Variants in VRK2 observed in about 807,000 individuals in gnomAD.
VRK2 encodes the protein serine/threonine-protein kinase VRK2.
VRK2 carries 60 observed loss-of-function variants against 57.6 expected under a neutral mutation model. The observed-to-expected ratio is 1.04, with a 90% CI of 0.85 to 1.29. The LOEUF is 1.29. Ranked by LOEUF, VRK2 falls within the 50% of genes most tolerant of loss-of-function variation. VRK2 has a pLI of 0.00. For synonymous variants in VRK2, 231 were observed against 199.2 expected (o/e 1.16, Z -1.35); for missense variants, 705 against 588.1 (o/e 1.20, Z -2.06).
intron 1 of VRK2, among the ~76,000 whole-genome samples, chr2:57,963,161 G>T (rs1343776686): frequency 2.6e-5 from 4 of 152,138 alleles, no homozygotes; most frequent in African/African-American, 9.7e-5. Flanking sequence ...GTTCCCCAAA[G>T]CTAGATACCA....
At chr2:58,038,494 G>A (rs1169125956) in intron 3 of VRK2, among the ~76,000 whole-genome samples, 1 of 152,058 alleles carries the variant, frequency 6.6e-6, no homozygotes, top group Non-Finnish European at 1.5e-5. Flanking sequence ...CTTTGTAAAG[G>A]CAACACAGAT....
At chr2:58,125,699 A>G (rs879477363) in intron 8 of VRK2, among the ~76,000 whole-genome samples, 68 of 152,132 alleles carry the variant, frequency 4.5e-4, no homozygotes, top group Admixed American at 1.2e-3. Context: ...ATTGATATAT[A>G]TATATGTAGA....
At chr2:58,149,429 T>C (rs1299872778) in intron 12 of VRK2, among the ~76,000 whole-genome samples, 1 of 151,794 alleles carries the variant, frequency 6.6e-6, no homozygotes, top group African/African-American at 2.4e-5. Flanking sequence ...ATAGGTTTTA[T>C]TATTTTTTAA....
chr2:57,943,912 A>G (rs995979332), intron 1 of VRK2, among the ~76,000 whole-genome samples: 7 of 152,202 alleles, frequency 4.6e-5, no homozygotes, highest in Admixed American at 3.3e-4. Context: ...CAACAATTCA[A>G]TTCTGCCATT....
At chr2:58,156,176 G>A (rs1291783148) in intron 12 of VRK2, among the ~76,000 whole-genome samples, 1 of 151,928 alleles carries the variant, frequency 6.6e-6, no homozygotes, top group African/African-American at 2.4e-5. Context: ...CATTGAATAT[G>A]GAATCTATTC....
chr2:57,953,552 C>T (rs529010733), intron 1 of VRK2, among the ~76,000 whole-genome samples: 2 of 152,276 alleles, frequency 1.3e-5, no homozygotes, highest in South Asian at 4.1e-4. Context: ...TACACTTAAA[C>T]ACTTTTCTGC....
At chr2:58,129,588 C>T (rs967869502) in intron 8 of VRK2, among the ~76,000 whole-genome samples, 1 of 152,158 alleles carries the variant, frequency 6.6e-6, no homozygotes, top group African/African-American at 2.4e-5. Flanking sequence ...ACTATACATG[C>T]ATACATAGAT....
chr2:57,924,888 A>G (rs1670480843), intron 1 of VRK2, among the ~76,000 whole-genome samples: 1 of 151,244 alleles, frequency 6.6e-6, no homozygotes. Flanking sequence ...TTCCACCTCC[A>G]GTTTTTTTAG....
intron 5 of VRK2, 46 bp from the exon 6 acceptor site, chr2:58,088,295 C>T: frequency 1.5e-6 from 2 of 1,334,306 alleles, no homozygotes; most frequent in Non-Finnish European, 2.1e-6. Context: ...CAGTTTCAAG[C>T]ATTACTTTCT....
At chr2:58,137,224 C>CTCATATATGATACATATATATATCAT (rs1553422542) in intron 10 of VRK2, among the ~76,000 whole-genome samples, 6 of 65,148 alleles carry the variant, frequency 9.2e-5, no homozygotes, top group South Asian at 1.0e-3. Flanking sequence ...ACATATATAT[C>CTCATATATGATACATATATATATCAT]ATATGATACA....
intron 2 of VRK2, among the ~76,000 whole-genome samples, chr2:58,027,261 A>G (rs1300436631): frequency 6.6e-6 from 1 of 152,086 alleles, no homozygotes; most frequent in Non-Finnish European, 1.5e-5. Flanking sequence ...ACTGGAGTCC[A>G]GTGAGAATCC....
intron 3 of VRK2, among the ~76,000 whole-genome samples, chr2:58,039,897 T>G (rs1439974625): frequency 6.6e-6 from 1 of 151,548 alleles, no homozygotes; most frequent in African/African-American, 2.4e-5. Context: ...TATTTTATTT[T>G]TATTTATTTT....
At chr2:57,993,030 G>C (rs75053852) in intron 1 of VRK2, among the ~76,000 whole-genome samples, 2,462 of 152,236 alleles carry the variant, frequency 0.016, 64 homozygotes, top group African/African-American at 0.056. Flanking sequence ...TAAAAATACT[G>C]ATCCTATGAA....
At chr2:58,046,695 C>T, upstream of VRK2, 4 of 985,578 alleles carry the variant, frequency 4.1e-6, no homozygotes, top group Non-Finnish European at 4.8e-6. Flanking sequence ...CTCCGCGGGC[C>T]GCTGCACTGC....
At chr2:58,100,877 T>G (rs1298386670) in intron 7 of VRK2, among the ~76,000 whole-genome samples, 3 of 151,788 alleles carry the variant, frequency 2.0e-5, no homozygotes, top group African/African-American at 7.2e-5. Flanking sequence ...TTACTAAACA[T>G]CAATTTGTTT....
At chr2:58,041,106 T>C in intron 3 of VRK2, 1 of 979,110 alleles carries the variant, frequency 1.0e-6, no homozygotes, top group Non-Finnish European at 1.2e-6. Flanking sequence ...AAATATAGTC[T>C]TATAGTTAAC....
intron 1 of VRK2, among the ~76,000 whole-genome samples, chr2:57,958,923 A>C (rs192036757): frequency 6.6e-6 from 1 of 152,304 alleles, no homozygotes; most frequent in East Asian, 1.9e-4. Context: ...CCACCATAGT[A>C]TTAGTTGACA....
chr2:57,995,418 A>G (rs1165628748), intron 1 of VRK2, among the ~76,000 whole-genome samples: 4 of 152,228 alleles, frequency 2.6e-5, no homozygotes, highest in African/African-American at 9.6e-5. Context: ...TTTTCTCGAA[A>G]GCTCAAATTT....
intron 7 of VRK2, among the ~76,000 whole-genome samples, chr2:58,092,932 C>G (rs553309890): frequency 6.6e-6 from 1 of 152,054 alleles, no homozygotes; most frequent in Admixed American, 6.6e-5. Context: ...TTTGTTCTTG[C>G]GATAGTTTCC....
Sources: gnomAD v4.1 joint callset for allele counts (sites outside exome capture counted in the v4.1 genomes callset) on GRCh38, gnomAD v4.1.1 for gene constraint, MANE v1.5 for transcripts, NCBI Gene and HGNC (gene_info 2026-07-23, HGNC 2026-07-21) for gene names.